GRID2: variants seen among roughly 807,000 people sequenced by gnomAD.
GRID2 encodes the protein glutamate receptor ionotropic, delta-2.
A neutral mutation model predicts 114.8 loss-of-function variants in GRID2; 33 were observed. That is an observed-to-expected ratio of 0.29 (90% CI 0.22 to 0.38). The LOEUF is 0.38. GRID2 is among the 10% of genes least tolerant of loss of function. GRID2 has a pLI of 1.00. For missense variants in GRID2, 1,184 were observed against 1,257.7 expected (o/e 0.94, Z 0.89); for synonymous variants, 505 against 449.9 (o/e 1.12, Z -1.55).
intron 2 of GRID2, among the ~76,000 whole-genome samples, chr4:92,771,223 C>T (rs112480275): frequency 6.6e-6 from 1 of 152,146 alleles, no homozygotes; most frequent in Non-Finnish European, 1.5e-5. Context: ...CAAAATATTG[C>T]AGTCGTTAGT....
intron 2 of GRID2, among the ~76,000 whole-genome samples, chr4:92,976,373 AT>A (rs1344538108): frequency 6.6e-6 from 1 of 152,092 alleles, no homozygotes; most frequent in Admixed American, 6.5e-5. Flanking sequence ...GTACCTATCA[AT>A]TCATGAATAG....
chr4:92,602,218 GAAAA>G (rs917667313), intron 2 of GRID2, among the ~76,000 whole-genome samples: 5 of 142,648 alleles, frequency 3.5e-5, no homozygotes, highest in Admixed American at 3.5e-4. Flanking sequence ...AAAAAAAAAA[GAAAA>G]GAAAAGAAAA....
At position 93,605,011 on chromosome 4, in the gene GRID2, G is replaced by T. The variant is rs564999140; in HGVS notation, c.2194-21258G>T. Among the ~76,000 whole-genome samples, 8 of 152,164 alleles carry T rather than the reference G, an allele frequency of 5.3e-5. No homozygotes were observed. The East Asian group carries it at 1.5e-3, about 29-fold the overall frequency. ...GGAACTGAACCTGCAGTATCTCTGA[G>T]GTATGCCTATAATTGGGAATAGTAA... On this transcript the variant is annotated intron_variant, in intron 13 of 15. Transcript: ENST00000282020.
rs1208639881 is a variant in GRID2 at position 93,515,415 on chromosome 4, C to T, written c.2193+4C>T. The T allele has an allele frequency of 5.7e-6, 9 of 1,584,036 alleles. No homozygotes were observed. The highest frequency in any genetic ancestry group is 1.7e-5 in the Admixed American group (1 of 59,868). On this transcript the variant is annotated splice_donor_region_variant and intron_variant, in intron 13 of 15. Transcript: ENST00000282020. ...GTCCCAGGCAGGCATTCAAAAGGTA[C>T]TGTCCATGGTTCTCCTTTAATAGTC... is the stretch of plus-strand genomic sequence containing the variant.
intron 2 of GRID2, among the ~76,000 whole-genome samples, chr4:92,987,270 C>T (rs1285853864): frequency 6.6e-6 from 1 of 151,876 alleles, no homozygotes; most frequent in Non-Finnish European, 1.5e-5. Flanking sequence ...AACTTCCTCA[C>T]CATTAAAGAA....
chr4:92,927,797 T>A (rs1749928043), intron 2 of GRID2, among the ~76,000 whole-genome samples: 1 of 151,738 alleles, frequency 6.6e-6, no homozygotes, highest in African/African-American at 2.4e-5. Flanking sequence ...GAAGTAATAT[T>A]TATACAACAC....
At chr4:92,877,989 A>G (rs996822112) in intron 2 of GRID2, among the ~76,000 whole-genome samples, 1 of 152,194 alleles carries the variant, frequency 6.6e-6, no homozygotes, top group African/African-American at 2.4e-5. Context: ...AAACATTTCA[A>G]TAGCTTTGCT....
At chr4:93,140,160 C>CTTTTTTTTTTTT (rs10684978) in intron 4 of GRID2, among the ~76,000 whole-genome samples, 7 of 128,262 alleles carry the variant, frequency 5.5e-5, no homozygotes, top group Non-Finnish European at 8.0e-5. Flanking sequence ...CTTTTCTTTT[C>CTTTTTTTTTTTT]TTTTTTTTTT....
intron 2 of GRID2, among the ~76,000 whole-genome samples, chr4:92,844,655 C>A (rs1743162495): frequency 6.9e-6 from 1 of 145,396 alleles, no homozygotes; most frequent in Admixed American, 7.1e-5. Flanking sequence ...ATGAAAATTT[C>A]AGATTGTGCC....
chr4:92,925,026 T>C (rs1216527133), intron 2 of GRID2, among the ~76,000 whole-genome samples: 2 of 152,098 alleles, frequency 1.3e-5, no homozygotes, highest in Non-Finnish European at 2.9e-5. Flanking sequence ...TCTTGCCACA[T>C]TTTAACATAT....
chr4:92,756,804 TTG>T (rs1737741402), intron 2 of GRID2, among the ~76,000 whole-genome samples: 1 of 152,080 alleles, frequency 6.6e-6, no homozygotes, highest in Non-Finnish European at 1.5e-5. Context: ...TTTTTAATGT[TTG>T]GGGTTTTTTT....
chr4:93,415,311 T>C (rs566831903), intron 9 of GRID2, among the ~76,000 whole-genome samples: 9 of 152,240 alleles, frequency 5.9e-5, no homozygotes, highest in Non-Finnish European at 1.2e-4. Context: ...TTTCAACAAA[T>C]ATTTAGAGAA....
intron 12 of GRID2, among the ~76,000 whole-genome samples, chr4:93,505,831 G>A (rs1728574320): frequency 6.6e-6 from 1 of 151,956 alleles, no homozygotes; most frequent in South Asian, 2.1e-4. Flanking sequence ...AAAATACAGT[G>A]TCTGCCACAT....
chr4:92,688,922 CTTGAAAG>C (rs1043946097), intron 2 of GRID2, among the ~76,000 whole-genome samples: 1 of 152,098 alleles, frequency 6.6e-6, no homozygotes, highest in African/African-American at 2.4e-5. Context: ...CATAATAAGA[CTTGAAAG>C]TTGAAATTAC....
chr4:92,402,332 G>C (rs1242604600), intron 1 of GRID2, among the ~76,000 whole-genome samples: 2 of 152,138 alleles, frequency 1.3e-5, no homozygotes, highest in Non-Finnish European at 2.9e-5. Context: ...TTGGTATCTA[G>C]AGTGGAGAAT....
intron 4 of GRID2, among the ~76,000 whole-genome samples, chr4:93,149,852 C>G (rs1365194554): frequency 6.6e-6 from 1 of 151,894 alleles, no homozygotes; most frequent in African/African-American, 2.4e-5. Flanking sequence ...CCAGGCCGGT[C>G]TTGAACTCCT....
chr4:92,405,115 T>G (rs1164491590), intron 1 of GRID2, among the ~76,000 whole-genome samples: 1 of 152,168 alleles, frequency 6.6e-6, no homozygotes, highest in Non-Finnish European at 1.5e-5. Context: ...AGCTCGAATG[T>G]CAGAGATGGA....
At chr4:92,965,885 C>T (rs958106644) in intron 2 of GRID2, among the ~76,000 whole-genome samples, 6 of 151,732 alleles carry the variant, frequency 4.0e-5, no homozygotes, top group Admixed American at 1.3e-4. Context: ...ACAACCAAGC[C>T]CTCCTCCAAG....
chr4:93,456,352 G>A lies in GRID2; in HGVS notation c.1858+378G>A, dbSNP rs1272483764. Reference sequence around the variant, plus strand: ...AGGTACTATTTAATTATTTACATATGTAAGAAATGTTAGGACTTGTTCTTT... The same window carrying A: ...AGGTACTATTTAATTATTTACATATATAAGAAATGTTAGGACTTGTTCTTT... On this transcript the variant is annotated intron_variant, in intron 11 of 15. Coordinates refer to ENST00000282020, the MANE Select transcript of GRID2 (RefSeq NM_001510.4). Among the ~76,000 whole-genome samples, 5 of 152,268 alleles carry A rather than the reference G, an allele frequency of 3.3e-5. No homozygotes were observed. In the East Asian group the frequency reaches 9.7e-4, roughly 29 times the overall value.
Sources: gnomAD v4.1 joint callset for allele counts (sites outside exome capture counted in the v4.1 genomes callset) on GRCh38, gnomAD v4.1.1 for gene constraint, MANE v1.5 for transcripts, NCBI Gene and HGNC (gene_info 2026-07-23, HGNC 2026-07-21) for gene names.